Variants in PEAK1 observed in about 807,000 individuals in gnomAD.
PEAK1 encodes inactive tyrosine-protein kinase PEAK1.
Under a neutral mutation model 124.7 loss-of-function variants are expected in PEAK1, and 54 were observed. The ratio of observed to expected loss-of-function variants is 0.43; its 90% CI spans 0.35 to 0.54. The LOEUF (loss-of-function observed/expected upper bound fraction) is 0.54, where lower values mean the gene tolerates loss of function less well. PEAK1 is among the 20% of genes least tolerant of loss of function. The probability of loss-of-function intolerance (pLI) is 0.01; values close to 1 mark genes in which losing one functional copy is unlikely to be tolerated. For missense variants in PEAK1, 2,046 were observed against 2,134.5 expected, an observed-to-expected ratio of 0.96 and a Z score of 0.82; for synonymous variants, 719 against 760.0, an observed-to-expected ratio of 0.95 and a Z score of 0.89.
chr15:77,364,191 T>C (rs1346059163), intron 2 of PEAK1, among the ~76,000 whole-genome samples: 1 of 152,018 alleles, frequency 6.6e-6, no homozygotes, highest in Non-Finnish European at 1.5e-5. Flanking sequence ...AGAGACTCCA[T>C]CTCAAAGAAA....
At chr15:77,185,071 A>C (rs1002180995) in intron 6 of PEAK1, among the ~76,000 whole-genome samples, 5 of 152,198 alleles carry the variant, frequency 3.3e-5, no homozygotes, top group African/African-American at 1.2e-4. Context: ...CTGGATTAGG[A>C]TGTGGTGTCA....
chr15:77,187,479 T>C (rs1181442137), intron 6 of PEAK1, among the ~76,000 whole-genome samples: 3 of 152,180 alleles, frequency 2.0e-5, no homozygotes, highest in East Asian at 1.9e-4. Flanking sequence ...GATTTCAATC[T>C]TGAAATAAAC....
rs983160568 is a variant in PEAK1, at chr15:77,179,026, T to C, written c.2901A>G (p.Pro967=). Residue 967 remains proline (P), a synonymous_variant, in exon 7 of 10, where the codon CCA becomes CCG. Transcript: ENST00000682557. ...CTGTGAACCAGTGATGGCGCTGAAC[T>C]GGAGGAGGAGGCAGCATGTGAATGA... ...GTVIHMLPPP[P]VQRHHWFTEA... The C allele has an allele frequency of 1.9e-6, 3 of 1,614,016 alleles. No individual in the cohort carries two copies. Among genetic ancestry groups the C allele is most frequent in the Middle Eastern group, 1.6e-4 (1 of 6,080 alleles).
rs1220566426 is a variant in PEAK1, at chr15:77,402,166, C to CG, written c.-666+17839dup. The CG allele has an allele frequency of 1.4e-4, 73 of 525,488 alleles. 1 individual carries two copies. In the South Asian group the frequency reaches 3.1e-3, roughly 22 times the overall value. 32.6% of individuals were successfully genotyped at this position (525,488 alleles called of 1,614,324 possible). On this transcript the variant is annotated intron_variant, in intron 1 of 9. Transcript: ENST00000682557. ...GTGAGCCAAGAGGGACACTCCACCT[C>CG]GGAAAAAAAAAAAAAAGGGACCAGA... is the stretch of plus-strand genomic sequence containing the variant.
intron 2 of PEAK1, among the ~76,000 whole-genome samples, chr15:77,315,999 T>C (rs1435945685): frequency 6.6e-6 from 1 of 152,122 alleles, no homozygotes; most frequent in Non-Finnish European, 1.5e-5. Context: ...CATAAGATGT[T>C]AATAAATATG....
At chr15:77,346,782 A>G in intron 2 of PEAK1, 2 of 963,766 alleles carry the variant, frequency 2.1e-6, no homozygotes, top group Non-Finnish European at 2.5e-6. Context: ...CACTCAGTAA[A>G]TATTTACTGA....
Position 77,283,952 on chromosome 15 carries a change from T to A in PEAK1, c.-344A>T. 6.1e-6 allele frequency: 6 copies of A among 982,924 alleles called. No homozygotes were observed. The highest frequency in any genetic ancestry group is 6.0e-6 in the Non-Finnish European group (5 of 827,642). 60.9% of individuals were successfully genotyped at this position (982,924 alleles called of 1,614,324 possible). A position where few individuals can be genotyped will look rare whatever the true frequency, so the allele number is the denominator to read the frequency against. On this transcript the variant is annotated 5_prime_UTR_variant, in exon 5 of 10. The change creates a new upstream start codon in the 5' untranslated region. Coordinates refer to ENST00000682557, the MANE Select transcript of PEAK1 (RefSeq NM_001385026.1). Reference sequence around the variant, plus strand: ...CATATTAGAAAATGTTTGTTTCTCCTTCTTGGATTTTTTCATAAATCATTG... The same window carrying A: ...CATATTAGAAAATGTTTGTTTCTCCATCTTGGATTTTTTCATAAATCATTG...
intron 2 of PEAK1, among the ~76,000 whole-genome samples, chr15:77,324,193 C>G (rs1241222068): frequency 6.6e-6 from 1 of 152,148 alleles, no homozygotes; most frequent in Non-Finnish European, 1.5e-5. Context: ...AATTGATCCA[C>G]ATTGCTGGGT....
intron 1 of PEAK1, among the ~76,000 whole-genome samples, chr15:77,375,161 T>C (rs751365232): frequency 2.8e-4 from 42 of 152,354 alleles, no homozygotes; most frequent in Non-Finnish European, 4.4e-5. Flanking sequence ...TATCATTTAT[T>C]GAACACCTAT....
At chr15:77,220,174 T>C (rs74027548) in intron 6 of PEAK1, among the ~76,000 whole-genome samples, 33,640 of 151,938 alleles carry the variant, frequency 0.22, 4,215 homozygotes, top group Middle Eastern at 0.29. Context: ...GAAAAGACTG[T>C]CAGTTAAAAT....
chr15:77,359,768 C>T (rs1007501369), intron 2 of PEAK1, among the ~76,000 whole-genome samples: 35 of 152,014 alleles, frequency 2.3e-4, no homozygotes, highest in Admixed American at 2.3e-3. Context: ...AACTATAAAA[C>T]ACTGAAAGAA....
At chr15:77,383,225 C>A (rs1480604020) in intron 1 of PEAK1, among the ~76,000 whole-genome samples, 1 of 151,934 alleles carries the variant, frequency 6.6e-6, no homozygotes, top group African/African-American at 2.4e-5. Context: ...GGGGTTTCAC[C>A]ATATTGGTTA....
At chr15:77,374,304 T>A (rs1183299886) in intron 1 of PEAK1, among the ~76,000 whole-genome samples, 1 of 152,150 alleles carries the variant, frequency 6.6e-6, no homozygotes, top group African/African-American at 2.4e-5. Flanking sequence ...TCTAATTAGT[T>A]TTACTAGGTA....
At chr15:77,407,837 C>T (rs1223848766) in intron 1 of PEAK1, among the ~76,000 whole-genome samples, 2 of 150,486 alleles carry the variant, frequency 1.3e-5, no homozygotes, top group African/African-American at 4.9e-5. Flanking sequence ...TTCGCAATTG[C>T]AAAAAAATAT....
chr15:77,347,914 T>TTAAAAAA lies in PEAK1; in HGVS notation c.-603+17248_-603+17249insTTTTTTA. On this transcript the variant is annotated intron_variant, in intron 2 of 9. Coordinates refer to ENST00000682557, the MANE Select transcript of PEAK1 (RefSeq NM_001385026.1). ...CTAAAAAAAAAGTAGCTCACCTTAATTGAAGGATAAACTTTATTTTTAAGC... is the reference window on the plus strand; with the variant it reads ...CTAAAAAAAAAGTAGCTCACCTTAATTAAAAAATGAAGGATAAACTTTATTTTTAAGC... 3.0e-6 allele frequency: 3 copies of TTAAAAAA among 984,972 alleles called. No homozygotes were observed. In the South Asian group the frequency reaches 1.4e-4, roughly 46 times the overall value. The allele number at this position is 984,972 out of a possible 1,614,324, so 61.0% of individuals were successfully genotyped here. A position where few individuals can be genotyped will look rare whatever the true frequency, so the allele number is the denominator to read the frequency against.
At position 77,333,142 on chromosome 15, in the gene PEAK1, C is replaced by CTTTATTTA. The variant is rs372151680; in HGVS notation, c.-603+32013_-603+32020dup. 4.8e-4 allele frequency: 464 copies of CTTTATTTA among 962,088 alleles called. 1 individual carries two copies. In the African/African-American group the frequency reaches 7.6e-3, roughly 16 times the overall value. The allele number at this position is 962,088 out of a possible 1,614,324, so 59.6% of individuals were successfully genotyped here. Reference sequence around the variant, plus strand: ...CATAATTTTTTGTGCAACTAAAACACTTTATTTATTTATTTATTTATTTAT... The same window carrying CTTTATTTA: ...CATAATTTTTTGTGCAACTAAAACACTTTATTTATTTATTTATTTATTTATTTATTTAT... On this transcript the variant is annotated intron_variant, in intron 2 of 9. Transcript: ENST00000682557.
intron 1 of PEAK1, chr15:77,402,010 C>T (rs142294899): frequency 7.7e-4 from 598 of 777,784 alleles, no homozygotes; most frequent in Middle Eastern, 1.9e-3. Flanking sequence ...ACCAACCTGG[C>T]CAACATGGTG....
chr15:77,418,797 T>C (rs999560590), intron 1 of PEAK1: 74 of 985,204 alleles, frequency 7.5e-5, no homozygotes, highest in Non-Finnish European at 8.3e-5. Flanking sequence ...TCTCTGACTA[T>C]ACACATCACT....
intron 1 of PEAK1, among the ~76,000 whole-genome samples, chr15:77,408,030 C>T (rs1030123361): frequency 2.7e-5 from 4 of 150,882 alleles, no homozygotes; most frequent in Admixed American, 6.6e-5. Context: ...TATATACACA[C>T]ATATATACAT....
Sources: allele counts gnomAD v4.1 joint callset (sites outside exome capture counted in the v4.1 genomes callset), GRCh38; gene constraint gnomAD v4.1.1; transcripts MANE v1.5; gene names NCBI Gene and HGNC (gene_info 2026-07-23, HGNC 2026-07-21).